PCDH9: variants seen among roughly 807,000 people sequenced by gnomAD.
The protein encoded by PCDH9 is protocadherin-9.
Under a neutral mutation model 70.6 loss-of-function variants are expected in PCDH9, and 24 were observed. The observed-to-expected ratio is 0.34, with a 90% CI of 0.25 to 0.48. The LOEUF (loss-of-function observed/expected upper bound fraction) is 0.48, where lower values mean the gene tolerates loss of function less well. Among genes scored for constraint, PCDH9 ranks in the 20% least tolerant of loss-of-function variants. The probability of loss-of-function intolerance (pLI) is 0.99; values close to 1 mark genes in which losing one functional copy is unlikely to be tolerated. For missense variants in PCDH9, 1,281 were observed against 1,503.6 expected, an observed-to-expected ratio of 0.85 and a Z score of 2.45; for synonymous variants, 562 against 558.5, an observed-to-expected ratio of 1.01 and a Z score of -0.09.
intron 3 of PCDH9, among the ~76,000 whole-genome samples, chr13:66,642,221 T>C (rs867076356): frequency 6.6e-6 from 1 of 152,100 alleles, no homozygotes; most frequent in African/African-American, 2.4e-5. Flanking sequence ...CTGAGATCTT[T>C]ACTTATTAAT....
At chr13:66,418,896 G>A (rs1198349698) in intron 4 of PCDH9, among the ~76,000 whole-genome samples, 2 of 152,094 alleles carry the variant, frequency 1.3e-5, no homozygotes, top group East Asian at 3.9e-4. Context: ...GTAAAAAAAT[G>A]ATAAAGGGGA....
At chr13:67,206,111 G>A (rs1434288690) in intron 2 of PCDH9, 2 of 152,052 alleles carry the variant, frequency 1.3e-5, no homozygotes, top group African/African-American at 4.8e-5. Context: ...AAAGTGCTGG[G>A]ATTAAAGGTG....
At chr13:67,154,592 AAAAAT>A (rs1177457197) in intron 2 of PCDH9, among the ~76,000 whole-genome samples, 3 of 86,460 alleles carry the variant, frequency 3.5e-5, no homozygotes, top group African/African-American at 1.4e-4. Context: ...AAAAAAAAAA[AAAAAT>A]ATATATATAC....
chr13:66,968,332 G>A (rs532167942), intron 2 of PCDH9, among the ~76,000 whole-genome samples: 3 of 152,000 alleles, frequency 2.0e-5, no homozygotes, highest in African/African-American at 7.2e-5. Context: ...AGACAACTAT[G>A]GGAATTACCC....
At chr13:66,991,545 A>C (rs1314548897) in intron 2 of PCDH9, among the ~76,000 whole-genome samples, 1 of 152,078 alleles carries the variant, frequency 6.6e-6, no homozygotes, top group African/African-American at 2.4e-5. Flanking sequence ...TAAACTTAGA[A>C]TCCTTTATTA....
intron 2 of PCDH9, among the ~76,000 whole-genome samples, chr13:67,071,888 C>A (rs1283783397): frequency 5.4e-3 from 470 of 86,532 alleles, no homozygotes; most frequent in Middle Eastern, 0.011. Context: ...GACTTTGTCT[C>A]AAAAAAAAAA....
At chr13:67,091,370 A>T (rs2086215052) in intron 2 of PCDH9, among the ~76,000 whole-genome samples, 1 of 152,172 alleles carries the variant, frequency 6.6e-6, no homozygotes, top group Non-Finnish European at 1.5e-5. Flanking sequence ...TTCAAATTTA[A>T]ATCTATTTTG....
intron 2 of PCDH9, among the ~76,000 whole-genome samples, chr13:67,191,626 A>G (rs1014271780): frequency 6.6e-6 from 1 of 152,066 alleles, no homozygotes; most frequent in East Asian, 1.9e-4. Context: ...CTAGCCTGCC[A>G]CTTCAGGTGT....
intron 3 of PCDH9, among the ~76,000 whole-genome samples, chr13:66,670,388 G>C (rs758171885): frequency 6.6e-6 from 1 of 152,120 alleles, no homozygotes; most frequent in Non-Finnish European, 1.5e-5. Context: ...ATATGGCATA[G>C]AGTATTTAGT....
chr13:66,430,866 C>T (rs1206015070), intron 4 of PCDH9, among the ~76,000 whole-genome samples: 1 of 151,970 alleles, frequency 6.6e-6, no homozygotes, highest in Non-Finnish European at 1.5e-5. Flanking sequence ...CCTTCTCTTC[C>T]AAAGTTGGAG....
intron 2 of PCDH9, among the ~76,000 whole-genome samples, chr13:66,945,496 A>G (rs1000686481): frequency 3.3e-5 from 5 of 152,082 alleles, no homozygotes; most frequent in Admixed American, 2.0e-4. Flanking sequence ...CTCCTAAAAT[A>G]CTGTTACTTA....
At chr13:67,192,396 G>C (rs558999444) in intron 2 of PCDH9, among the ~76,000 whole-genome samples, 6 of 152,046 alleles carry the variant, frequency 3.9e-5, no homozygotes, top group African/African-American at 1.2e-4. Context: ...TCTTCTAAAG[G>C]TTTCTCTGAC....
chr13:66,313,608 C>A (rs1412113815), intron 4 of PCDH9, among the ~76,000 whole-genome samples: 1 of 152,200 alleles, frequency 6.6e-6, no homozygotes, highest in Non-Finnish European at 1.5e-5. Context: ...TGTTATGAAG[C>A]AATTTGCCTT....
intron 2 of PCDH9, among the ~76,000 whole-genome samples, chr13:67,065,375 A>T (rs1292781165): frequency 6.6e-6 from 1 of 152,212 alleles, no homozygotes; most frequent in Non-Finnish European, 1.5e-5. Context: ...TCTTCTACTT[A>T]AAGGTGCAAT....
chr13:66,671,606 G>A (rs956559872), intron 3 of PCDH9, among the ~76,000 whole-genome samples: 3 of 152,154 alleles, frequency 2.0e-5, no homozygotes, highest in Non-Finnish European at 4.4e-5. Flanking sequence ...GAATAAAGGT[G>A]ACTCTTGCTA....
chr13:66,591,156 G>A (rs562826383), intron 4 of PCDH9, among the ~76,000 whole-genome samples: 1 of 151,580 alleles, frequency 6.6e-6, no homozygotes, highest in South Asian at 2.1e-4. Flanking sequence ...TTGTATTTAT[G>A]TCCCAAAGGA....
chr13:66,855,247 C>T (rs1305634456), intron 3 of PCDH9, among the ~76,000 whole-genome samples: 6 of 151,996 alleles, frequency 3.9e-5, no homozygotes, highest in Admixed American at 2.0e-4. Flanking sequence ...GAATTTGGTC[C>T]ATGAGAAAGA....
intron 2 of PCDH9, among the ~76,000 whole-genome samples, chr13:67,008,553 A>T (rs2139836160): frequency 6.6e-6 from 1 of 152,260 alleles, no homozygotes; most frequent in East Asian, 1.9e-4. Flanking sequence ...GTGATAAATA[A>T]GAGTCAGCAT....
chr13:66,558,049 G>A (rs938585656), intron 4 of PCDH9, among the ~76,000 whole-genome samples: 18 of 152,196 alleles, frequency 1.2e-4, no homozygotes, highest in Middle Eastern at 3.4e-3. Context: ...CAGCTACTCA[G>A]GAGCCTGAGG....
Sources: allele counts gnomAD v4.1 joint callset (sites outside exome capture counted in the v4.1 genomes callset), GRCh38; gene constraint gnomAD v4.1.1; transcripts MANE v1.5; gene names NCBI Gene and HGNC (gene_info 2026-07-23, HGNC 2026-07-21).